CSMD1: variants seen among roughly 807,000 people sequenced by gnomAD.
CSMD1 encodes the protein CUB and sushi domain-containing protein 1.
Under a neutral mutation model 417.5 loss-of-function variants are expected in CSMD1, and 213 were observed. The ratio of observed to expected loss-of-function variants is 0.51; its 90% CI spans 0.46 to 0.57. The LOEUF is 0.57. Ranked by LOEUF, CSMD1 falls within the 20% of genes least tolerant of loss-of-function variation. The probability of loss-of-function intolerance (pLI) is 0.00; values close to 1 mark genes in which losing one functional copy is unlikely to be tolerated. For missense variants in CSMD1, 6,923 were observed against 4,529.7 expected, an observed-to-expected ratio of 1.53 and a Z score of -15.17; for synonymous variants, 2,862 against 1,736.8, an observed-to-expected ratio of 1.65 and a Z score of -16.11.
At chr8:4,664,826 A>G (rs1283258887) in intron 1 of CSMD1, among the ~76,000 whole-genome samples, 1 of 152,176 alleles carries the variant, frequency 6.6e-6, no homozygotes, top group Non-Finnish European at 1.5e-5. Flanking sequence ...TCTTCTTTGT[A>G]TGCATTTCAA....
At chr8:4,156,988 C>T (rs747217721) in intron 3 of CSMD1, among the ~76,000 whole-genome samples, 1 of 152,018 alleles carries the variant, frequency 6.6e-6, no homozygotes, top group African/African-American at 2.4e-5. Flanking sequence ...GCATACATCC[C>T]AGATGATATT....
intron 10 of CSMD1, among the ~76,000 whole-genome samples, chr8:3,527,057 G>T (rs73503677): frequency 6.6e-6 from 1 of 151,968 alleles, no homozygotes; most frequent in African/African-American, 2.4e-5. Flanking sequence ...TGCATGCCGG[G>T]TCAGTGCCAC....
At chr8:3,846,188 C>T (rs1024786421) in intron 5 of CSMD1, among the ~76,000 whole-genome samples, 3 of 152,130 alleles carry the variant, frequency 2.0e-5, no homozygotes, top group Non-Finnish European at 4.4e-5. Flanking sequence ...ATGTGCTAGG[C>T]TTTTATATAA....
At chr8:3,745,332 T>C (rs1246567900) in intron 6 of CSMD1, among the ~76,000 whole-genome samples, 1 of 152,154 alleles carries the variant, frequency 6.6e-6, no homozygotes, top group Non-Finnish European at 1.5e-5. Context: ...GGTTGGAATC[T>C]CATGAGCCTT....
intron 1 of CSMD1, among the ~76,000 whole-genome samples, chr8:4,728,255 A>G (rs899424366): frequency 4.7e-5 from 7 of 150,252 alleles, no homozygotes; most frequent in Middle Eastern, 3.5e-3. Flanking sequence ...TATGAAGTAA[A>G]ATGCATGTAT....
At chr8:3,721,388 G>T (rs931633071) in intron 6 of CSMD1, among the ~76,000 whole-genome samples, 1 of 152,080 alleles carries the variant, frequency 6.6e-6, no homozygotes, top group Non-Finnish European at 1.5e-5. Flanking sequence ...TCTAGCCCAG[G>T]TTTTTAGGAT....
At chr8:4,737,103 G>C (rs569845857) in intron 1 of CSMD1, among the ~76,000 whole-genome samples, 49 of 152,236 alleles carry the variant, frequency 3.2e-4, no homozygotes, top group Middle Eastern at 3.4e-3. Context: ...ATCAATGATA[G>C]ACTGAATAAA....
At chr8:4,385,213 C>G (rs183508225) in intron 3 of CSMD1, among the ~76,000 whole-genome samples, 2 of 152,200 alleles carry the variant, frequency 1.3e-5, no homozygotes, top group African/African-American at 2.4e-5. Context: ...CAGGCATGAG[C>G]CACTGCACCC....
intron 7 of CSMD1, among the ~76,000 whole-genome samples, chr8:3,620,531 G>T (rs2449234): frequency 0.13 from 20,266 of 152,124 alleles, 1,946 homozygotes; most frequent in African/African-American, 0.27. Context: ...TAAAGTAAGG[G>T]AGCAGACTTG....
At chr8:3,377,101 T>C (rs1368914186) in intron 18 of CSMD1, among the ~76,000 whole-genome samples, 1 of 152,014 alleles carries the variant, frequency 6.6e-6, no homozygotes, top group Non-Finnish European at 1.5e-5. Context: ...CTTGACCACC[T>C]GGGCTCAAGT....
Position 4,441,107 on chromosome 8 carries a change from T to TTTTTTTTTTTTTTTTTTTTG in CSMD1, c.303-21043_303-21042insCAAAAAAAAAAAAAAAAAAA, listed in dbSNP as rs1798449900. Among the ~76,000 whole-genome samples the TTTTTTTTTTTTTTTTTTTTG allele has an allele frequency of 1.4e-4, 18 of 125,060 alleles. 2 individuals carry two copies. The South Asian group carries it at 1.9e-3, about 13-fold the overall frequency. 82.0% of individuals were successfully genotyped at this position (125,060 alleles called of 152,430 possible). On this transcript the variant is annotated intron_variant, in intron 2 of 69. Coordinates refer to ENST00000635120, the MANE Select transcript of CSMD1 (RefSeq NM_033225.6). The stretch of plus-strand genomic sequence containing the variant: ...CGTTAATCAAAAGGTTTTTTTTTTT[T>TTTTTTTTTTTTTTTTTTTTG]TTTTTTTTTTTAAGAGATAGGGTCT...
chr8:4,061,496 A>T (rs1458624185), intron 3 of CSMD1, among the ~76,000 whole-genome samples: 1 of 152,238 alleles, frequency 6.6e-6, no homozygotes, highest in Admixed American at 6.5e-5. Context: ...TTTAAATAAA[A>T]ACTGTAAAGT....
At chr8:4,221,111 G>T (rs568807088) in intron 3 of CSMD1, among the ~76,000 whole-genome samples, 1 of 152,088 alleles carries the variant, frequency 6.6e-6, no homozygotes, top group Non-Finnish European at 1.5e-5. Flanking sequence ...GGAATACAAC[G>T]GACAAGACAG....
intron 18 of CSMD1, among the ~76,000 whole-genome samples, chr8:3,382,971 A>G (rs940757859): frequency 6.6e-6 from 1 of 152,200 alleles, no homozygotes; most frequent in Non-Finnish European, 1.5e-5. Context: ...AGGCATGGCC[A>G]CTTAAACGCT....
At chr8:3,356,348 G>A (rs1350687898) in intron 21 of CSMD1, among the ~76,000 whole-genome samples, 1 of 152,196 alleles carries the variant, frequency 6.6e-6, no homozygotes, top group African/African-American at 2.4e-5. Flanking sequence ...CCACTGTAAA[G>A]GAGCCAGCAG....
At chr8:4,834,749 G>C (rs952060496) in intron 1 of CSMD1, among the ~76,000 whole-genome samples, 1 of 151,752 alleles carries the variant, frequency 6.6e-6, no homozygotes, top group Admixed American at 6.6e-5. Flanking sequence ...GACATCAGGA[G>C]ATCGAGACCA....
chr8:4,333,851 A>G (rs950861570), intron 3 of CSMD1, among the ~76,000 whole-genome samples: 1 of 152,020 alleles, frequency 6.6e-6, no homozygotes, highest in Non-Finnish European at 1.5e-5. Flanking sequence ...ATGGTGTTTC[A>G]TCTTTAACAT....
At chr8:4,962,753 T>C (rs995992446) in intron 1 of CSMD1, among the ~76,000 whole-genome samples, 1 of 152,196 alleles carries the variant, frequency 6.6e-6, no homozygotes, top group African/African-American at 2.4e-5. Flanking sequence ...TAGCTGCCAA[T>C]GTTCTTGGGA....
At chr8:4,801,850 C>G (rs759880570) in intron 1 of CSMD1, among the ~76,000 whole-genome samples, 23 of 152,176 alleles carry the variant, frequency 1.5e-4, no homozygotes, top group Non-Finnish European at 2.8e-4. Flanking sequence ...ATTATTGTTT[C>G]AGACTACTGA....
Sources: gnomAD v4.1 joint callset for allele counts (sites outside exome capture counted in the v4.1 genomes callset) on GRCh38, gnomAD v4.1.1 for gene constraint, MANE v1.5 for transcripts, NCBI Gene and HGNC (gene_info 2026-07-23, HGNC 2026-07-21) for gene names.